KIAA0825: variants seen among roughly 807,000 people sequenced by gnomAD.
KIAA0825 encodes the protein KIAA0825.
Under a neutral mutation model 147.6 loss-of-function variants are expected in KIAA0825, and 119 were observed. The observed-to-expected ratio is 0.81, with a 90% confidence interval of 0.69 to 0.94. The LOEUF (loss-of-function observed/expected upper bound fraction) is 0.94. Among genes scored for constraint, KIAA0825 ranks in the 40% least tolerant of loss-of-function variants. KIAA0825 has a pLI of 0.00. For missense variants in KIAA0825, 1,381 were observed against 1,472.7 expected, an observed-to-expected ratio of 0.94 and a Z score of 1.02; for synonymous variants, 470 against 518.1, an observed-to-expected ratio of 0.91 and a Z score of 1.26.
At chr5:94,197,502 G>A (rs1477293777) in intron 20 of KIAA0825, among the ~76,000 whole-genome samples, 1 of 152,072 alleles carries the variant, frequency 6.6e-6, no homozygotes, top group African/African-American at 2.4e-5. Context: ...TGGTTTTGTT[G>A]CAATTGCAAT....
At chr5:94,207,919 G>C (rs1357344223) in intron 20 of KIAA0825, among the ~76,000 whole-genome samples, 1 of 152,164 alleles carries the variant, frequency 6.6e-6, no homozygotes, top group Non-Finnish European at 1.5e-5. Flanking sequence ...GTTAGGCATA[G>C]TTGAACAATT....
At chr5:94,484,144 T>C (rs968388731) in intron 6 of KIAA0825, among the ~76,000 whole-genome samples, 1 of 151,888 alleles carries the variant, frequency 6.6e-6, no homozygotes, top group Admixed American at 6.6e-5. Context: ...AAAGGGGTTT[T>C]GTTAAGACTA....
intron 20 of KIAA0825, among the ~76,000 whole-genome samples, chr5:94,318,983 G>A (rs543732256): frequency 6.6e-6 from 1 of 151,998 alleles, no homozygotes; most frequent in Non-Finnish European, 1.5e-5. Flanking sequence ...GAAGCACCAT[G>A]AGAAACCAGT....
rs1232972664 is a variant in KIAA0825, at chr5:94,523,950, T to C, written c.280A>G (p.Ile94Val). 4 of 1,598,664 alleles carry C rather than the reference T, an allele frequency of 2.5e-6. No individual in the cohort carries two copies. The highest frequency in any genetic ancestry group is 2.2e-5 in the East Asian group (1 of 44,606). The part of the protein sequence containing the change: ...ESSFISHGDL[I>V]KFFKTLQDLL... The stretch of plus-strand genomic sequence containing the variant: ...TTTACCAGTGTTTTGAAAAATTTTA[T>C]CAAGTCTCCATGAGAAATGAAAGAT... Residue 94 changes from isoleucine (I) to valine (V), a missense_variant, in exon 4 of 21, where the codon ATA (isoleucine) becomes GTA (valine). Physicochemically the swap from Ile to Val is conservative, Grantham distance 29. Coordinates refer to ENST00000682413, the MANE Select transcript of KIAA0825 (RefSeq NM_001145678.3).
intron 2 of KIAA0825, among the ~76,000 whole-genome samples, chr5:94,542,824 A>G (rs1377759138): frequency 6.6e-6 from 1 of 152,104 alleles, no homozygotes; most frequent in Non-Finnish European, 1.5e-5. Flanking sequence ...AGAAAGAAAA[A>G]AAAAGAATCT....
intron 20 of KIAA0825, among the ~76,000 whole-genome samples, chr5:94,300,181 T>C (rs1244019384): frequency 6.6e-6 from 1 of 152,074 alleles, no homozygotes; most frequent in Non-Finnish European, 1.5e-5. Context: ...AATTAATTGT[T>C]AAGATAAAAG....
rs73145015 is a variant in KIAA0825 at position 94,452,015 on chromosome 5, A to C, written c.2357+944T>G. The stretch of plus-strand genomic sequence containing the variant: ...AAGATATATTTACACACAAGATGAC[A>C]GAGCATTGAGACTATTCTATTTCTA... On this transcript the variant is annotated intron_variant, in intron 13 of 20. Coordinates refer to ENST00000682413, the MANE Select transcript of KIAA0825 (RefSeq NM_001145678.3). Among the ~76,000 whole-genome samples, 1,330 of 152,346 alleles carry C rather than the reference A, an allele frequency of 8.7e-3. 16 individuals carry two copies. The highest frequency in any genetic ancestry group is 0.031 in the African/African-American group (1,273 of 41,590).
chr5:94,230,449 C>T (rs1046472439), intron 20 of KIAA0825, among the ~76,000 whole-genome samples: 4 of 152,056 alleles, frequency 2.6e-5, no homozygotes, highest in South Asian at 2.1e-4. Flanking sequence ...TTCTGTTGGG[C>T]GAATCCCCCT....
chr5:94,397,189 T>C (rs1040914514), intron 16 of KIAA0825, among the ~76,000 whole-genome samples: 2 of 152,202 alleles, frequency 1.3e-5, no homozygotes, highest in Admixed American at 1.3e-4. Context: ...CTAGCACTTA[T>C]TACCTCTTAT....
At chr5:94,527,581 A>G (rs1371954955) in intron 3 of KIAA0825, among the ~76,000 whole-genome samples, 1 of 151,990 alleles carries the variant, frequency 6.6e-6, no homozygotes, top group Non-Finnish European at 1.5e-5. Context: ...AGTATGGAAA[A>G]CCCAAAATTT....
chr5:94,384,607 CAGA>C (rs1454345382), intron 19 of KIAA0825, 149 bp from the exon 20 acceptor site: 24 of 554,216 alleles, frequency 4.3e-5, no homozygotes, highest in African/African-American at 3.9e-4. Flanking sequence ...ATCATGTCCA[CAGA>C]AGAAGGTTTT....
At chr5:94,375,457 G>A (rs1232891143) in intron 20 of KIAA0825, among the ~76,000 whole-genome samples, 1 of 152,064 alleles carries the variant, frequency 6.6e-6, no homozygotes, top group South Asian at 2.1e-4. Flanking sequence ...CTCCACTCCA[G>A]GTGTTATTAA....
intron 20 of KIAA0825, among the ~76,000 whole-genome samples, chr5:94,239,542 G>T (rs1775243083): frequency 6.6e-6 from 1 of 152,138 alleles, no homozygotes; most frequent in African/African-American, 2.4e-5. Flanking sequence ...GTTATGCTGA[G>T]CTATGCTGCA....
chr5:94,346,501 C>T (rs939457695), intron 20 of KIAA0825, among the ~76,000 whole-genome samples: 2 of 152,108 alleles, frequency 1.3e-5, no homozygotes, highest in African/African-American at 2.4e-5. Flanking sequence ...CTGTGAGTGC[C>T]CCAACTGCAG....
intron 20 of KIAA0825, among the ~76,000 whole-genome samples, chr5:94,282,611 T>C (rs1043700632): frequency 6.6e-6 from 1 of 152,130 alleles, no homozygotes; most frequent in African/African-American, 2.4e-5. Context: ...ATATGAAATA[T>C]TGAAATTCAT....
chr5:94,276,545 T>A (rs1777230262), intron 20 of KIAA0825, among the ~76,000 whole-genome samples: 1 of 151,944 alleles, frequency 6.6e-6, no homozygotes, highest in East Asian at 1.9e-4. Flanking sequence ...TAATATCAGA[T>A]GGGGGCGTAC....
At chr5:94,454,017 A>C (rs568165059) in intron 12 of KIAA0825, among the ~76,000 whole-genome samples, 2 of 152,314 alleles carry the variant, frequency 1.3e-5, no homozygotes, top group East Asian at 3.9e-4. Flanking sequence ...ATACTTTCAA[A>C]ATTAAAACAA....
intron 12 of KIAA0825, 87 bp from the exon 13 acceptor site, chr5:94,453,156 C>T (rs1758631041): frequency 1.4e-6 from 1 of 710,366 alleles, no homozygotes; most frequent in Non-Finnish European, 2.3e-6. Context: ...ACTTAGGATT[C>T]AGTTAATGAT....
chr5:94,396,416 AAG>A lies in KIAA0825; in HGVS notation c.2979_2980del (p.Phe995SerfsTer3). 1 of 1,550,628 alleles carries A rather than the reference AAG, an allele frequency of 6.4e-7. No homozygotes were observed. The highest frequency in any genetic ancestry group is 8.7e-7 in the Non-Finnish European group (1 of 1,146,636). On this transcript the variant is annotated frameshift_variant, in exon 17 of 21. Transcript: ENST00000682413. LOFTEE classifies it high-confidence loss of function. ...TGACATTTTTCTCTCAGACAGAAAAAAGAAGTATTTAACTGGGGGAGGCAAAC... is the reference window on the plus strand; with the variant it reads ...TGACATTTTTCTCTCAGACAGAAAAAAAGTATTTAACTGGGGGAGGCAAAC...
Sources: allele counts gnomAD v4.1 joint callset (sites outside exome capture counted in the v4.1 genomes callset), GRCh38; gene constraint gnomAD v4.1.1; transcripts MANE v1.5; gene names NCBI Gene and HGNC (gene_info 2026-07-23, HGNC 2026-07-21).